The following BCAS3 variants were observed in gnomAD, a reference collection of about 807,000 sequenced individuals.
BCAS3 encodes the protein BCAS4/BCAS3 fusion.
In BCAS3, 53 loss-of-function variants were observed where a neutral mutation model predicts 116.1. The observed-to-expected ratio is 0.46, with a 90% CI of 0.37 to 0.57. BCAS3 has a LOEUF of 0.57. Among genes scored for constraint, BCAS3 ranks in the 20% least tolerant of loss-of-function variants. The pLI is 0.00. For missense variants in BCAS3, 917 were observed against 1,165.4 expected (o/e 0.79, Z 3.10); for synonymous variants, 391 against 408.2 (o/e 0.96, Z 0.51).
chr17:61,277,195 C>G (rs901851723), intron 22 of BCAS3, among the ~76,000 whole-genome samples: 2 of 137,358 alleles, frequency 1.5e-5, no homozygotes, highest in African/African-American at 2.7e-5. Flanking sequence ...TCTAGGAGTT[C>G]AAGGTTGCAG....
At chr17:60,859,648 A>G (rs2053990440) in intron 7 of BCAS3, among the ~76,000 whole-genome samples, 1 of 150,854 alleles carries the variant, frequency 6.6e-6, no homozygotes, top group Non-Finnish European at 1.5e-5. Flanking sequence ...AGCTCACTGC[A>G]ACCTCCACCT....
In BCAS3 at chr17:61,130,025, T is replaced by C. The variant is rs537787621; in HGVS notation, c.2425+45461T>C. ...CTTTTTGTTTATAAAGGCAATGTTG[T>C]ATTCCACAGCATCATTACACACTGC... On this transcript the variant is annotated intron_variant, in intron 22 of 23. Transcript: ENST00000407086. This position sits in a 1 kb window ranked among gnomAD's most constrained non-coding sequence, Gnocchi z 5.0. 1.3e-5 allele frequency among the ~76,000 whole-genome samples: 2 copies of C among 152,356 alleles called. No homozygotes were observed. The highest frequency in any genetic ancestry group is 4.8e-5 in the African/African-American group (2 of 41,584).
At chr17:61,173,519 C>A (rs891920767) in intron 22 of BCAS3, among the ~76,000 whole-genome samples, 1 of 151,220 alleles carries the variant, frequency 6.6e-6, no homozygotes, top group African/African-American at 2.4e-5. Context: ...CACGCTAAAA[C>A]AGTACTTAGA....
In BCAS3 at chr17:60,809,317, A is replaced by G. The variant is rs2144629165; in HGVS notation, c.476+1241A>G. The stretch of plus-strand genomic sequence containing the variant: ...GAGTTTGTGACTTAGATTTAATGCC[A>G]TCTGCAAAACAGATGAAAACAACTA... On this transcript the variant is annotated intron_variant, in intron 7 of 23. Transcript: ENST00000407086. 2.6e-5 allele frequency among the ~76,000 whole-genome samples: 4 copies of G among 152,146 alleles called. No homozygotes were observed. The Middle Eastern group carries it at 0.01, about 391-fold the overall frequency.
In BCAS3 at chr17:61,318,480, A is replaced by C. The variant is rs564411580; in HGVS notation, c.2426-49847A>C. Among the ~76,000 whole-genome samples the C allele has an allele frequency of 9.2e-5, 14 of 152,254 alleles. No homozygotes were observed. In the East Asian group the frequency reaches 1.9e-3, roughly 21 times the overall value. On this transcript the variant is annotated intron_variant, in intron 22 of 23. Transcript: ENST00000407086. ...ATCTCCCTCTCCCAGTGACATCAGC[A>C]GCCCCTCTTCCCCCTCCCCCTAATT... is the stretch of plus-strand genomic sequence containing the variant.
At chr17:61,030,235 C>T (rs114463052) in intron 16 of BCAS3, among the ~76,000 whole-genome samples, 2 of 152,138 alleles carry the variant, frequency 1.3e-5, no homozygotes, top group African/African-American at 2.4e-5. Flanking sequence ...CTCATGTTAG[C>T]GCCTTCCATG....
chr17:61,022,099 G>A (rs1349826913), intron 16 of BCAS3, among the ~76,000 whole-genome samples: 1 of 152,138 alleles, frequency 6.6e-6, no homozygotes, highest in African/African-American at 2.4e-5. Context: ...ATGTATGGAT[G>A]TGACTACATA....
chr17:60,760,931 A>C (rs1444677283), intron 6 of BCAS3, among the ~76,000 whole-genome samples: 2 of 151,772 alleles, frequency 1.3e-5, no homozygotes, highest in Non-Finnish European at 2.9e-5. Flanking sequence ...TTTTTGCCTG[A>C]CTGGATTATT....
In BCAS3 at chr17:61,171,363, A is replaced by G. The variant is rs2078829825; in HGVS notation, c.2425+86799A>G. Among the ~76,000 whole-genome samples the G allele has an allele frequency of 1.3e-5, 1 of 78,602 alleles. No individual in the cohort carries two copies. The highest frequency in any genetic ancestry group is 1.5e-4 in the Admixed American group (1 of 6,764). 51.6% of individuals were successfully genotyped at this position (78,602 alleles called of 152,430 possible). A position where few individuals can be genotyped will look rare whatever the true frequency, so the allele number is the denominator to read the frequency against. Reference sequence around the variant, plus strand: ...GATCCAAAACAACACATGGGAACCAAAAAGAAAAAAATGGAACAAAGAATA... The same window carrying G: ...GATCCAAAACAACACATGGGAACCAGAAAGAAAAAAATGGAACAAAGAATA... On this transcript the variant is annotated intron_variant, in intron 22 of 23. Coordinates refer to ENST00000407086, the MANE Select transcript of BCAS3 (RefSeq NM_017679.5). This position sits in a 1 kb window ranked among gnomAD's most constrained non-coding sequence, Gnocchi z 4.1.
chr17:60,818,439 T>C (rs901130971), intron 7 of BCAS3, among the ~76,000 whole-genome samples: 1 of 152,190 alleles, frequency 6.6e-6, no homozygotes, highest in African/African-American at 2.4e-5. Flanking sequence ...AAATAAGGGT[T>C]ATGTTATTAA....
intron 13 of BCAS3, among the ~76,000 whole-genome samples, chr17:60,926,252 A>G (rs1486893858): frequency 1.3e-5 from 2 of 152,208 alleles, no homozygotes; most frequent in Non-Finnish European, 2.9e-5. Context: ...AGTCATCATA[A>G]ACTTGCAGTC....
intron 22 of BCAS3, among the ~76,000 whole-genome samples, chr17:61,207,895 T>A (rs1261260778): frequency 6.6e-6 from 1 of 152,208 alleles, no homozygotes; most frequent in Non-Finnish European, 1.5e-5. Flanking sequence ...GAATAATTTT[T>A]CTGTTTTTGC....
In BCAS3 at chr17:61,301,317, C is replaced by T. The variant is rs1017540858; in HGVS notation, c.2426-67010C>T. 5.3e-5 allele frequency among the ~76,000 whole-genome samples: 8 copies of T among 152,164 alleles called. No homozygotes were observed. The East Asian group carries it at 1.5e-3, about 29-fold the overall frequency. The stretch of plus-strand genomic sequence containing the variant: ...GTTTCCCAATCCCTGGTGTAAATTG[C>T]AACAGTAGTAATGTGCAATGAAAAG... On this transcript the variant is annotated intron_variant, in intron 22 of 23. Coordinates refer to ENST00000407086, the MANE Select transcript of BCAS3 (RefSeq NM_017679.5).
intron 5 of BCAS3, among the ~76,000 whole-genome samples, chr17:60,715,596 C>T (rs766945683): frequency 3.9e-5 from 6 of 152,124 alleles, no homozygotes; most frequent in East Asian, 1.9e-4. Flanking sequence ...TCAAGCAATT[C>T]TCCTGCCTCA....
intron 14 of BCAS3, among the ~76,000 whole-genome samples, chr17:60,965,317 G>T (rs1036367018): frequency 6.7e-6 from 1 of 150,240 alleles, no homozygotes; most frequent in Non-Finnish European, 1.5e-5. Flanking sequence ...TGCCTCCTGA[G>T]TTCAAGTGAT....
chr17:61,127,830 A>G (rs999512332), intron 22 of BCAS3, among the ~76,000 whole-genome samples: 3 of 151,094 alleles, frequency 2.0e-5, no homozygotes, highest in African/African-American at 7.3e-5. Context: ...GGGGGCTACA[A>G]AGTTAGTTGG....
intron 22 of BCAS3, among the ~76,000 whole-genome samples, chr17:61,272,665 A>C (rs931622131): frequency 1.4e-5 from 2 of 141,664 alleles, no homozygotes; most frequent in African/African-American, 5.5e-5. Context: ...AAAAAAAAAA[A>C]AAGCAATTTT....
At position 60,994,037 on chromosome 17, in the gene BCAS3, T is replaced by C. The variant is rs916284342; in HGVS notation, c.1486+3802T>C. Among the ~76,000 whole-genome samples the C allele has an allele frequency of 6.6e-6, 1 of 152,172 alleles. No homozygotes were observed. The highest frequency in any genetic ancestry group is 1.5e-5 in the Non-Finnish European group (1 of 68,002). Reference sequence around the variant, plus strand: ...GATAGGAAAAAAATTTACATCTTTATATTCACTATCCTTTAACCAAAAGTA... The same window carrying C: ...GATAGGAAAAAAATTTACATCTTTACATTCACTATCCTTTAACCAAAAGTA... On this transcript the variant is annotated intron_variant, in intron 15 of 23. Transcript: ENST00000407086. The surrounding 1 kb of genome is among the most constrained non-coding windows in gnomAD (Gnocchi z 4.4).
chr17:61,301,208 A>G (rs1362121169), intron 22 of BCAS3, among the ~76,000 whole-genome samples: 1 of 152,220 alleles, frequency 6.6e-6, no homozygotes, highest in Non-Finnish European at 1.5e-5. Flanking sequence ...CTTTCACACT[A>G]CAGCAGCAGA....
Sources: allele counts gnomAD v4.1 joint callset (sites outside exome capture counted in the v4.1 genomes callset), GRCh38; gene constraint gnomAD v4.1.1; non-coding constraint Gnocchi (gnomAD v3.1); transcripts MANE v1.5; gene names NCBI Gene and HGNC (gene_info 2026-07-23, HGNC 2026-07-21).